Variants in TPTE2 observed in about 807,000 individuals in gnomAD.
TPTE2 encodes phosphatidylinositol 3,4,5-trisphosphate 3-phosphatase TPTE2.
Under a neutral mutation model 78.6 loss-of-function variants are expected in TPTE2, and 53 were observed. The observed-to-expected ratio is 0.67, with a 90% CI of 0.54 to 0.85. The LOEUF is 0.85. Ranked by LOEUF, TPTE2 falls within the 40% of genes least tolerant of loss-of-function variation. The probability of loss-of-function intolerance (pLI) is 0.00; values close to 1 mark genes in which losing one functional copy is unlikely to be tolerated. For synonymous variants in TPTE2, 175 were observed against 206.2 expected, an observed-to-expected ratio of 0.85 and a Z score of 1.30; for missense variants, 461 against 623.0, an observed-to-expected ratio of 0.74 and a Z score of 2.77.
At chr13:19,484,934 A>G (rs7336825) in intron 3 of TPTE2, among the ~76,000 whole-genome samples, 266 of 152,308 alleles carry the variant, frequency 1.7e-3, no homozygotes, top group African/African-American at 6.1e-3. Flanking sequence ...TAATCCACTC[A>G]GTAAGTCTAT....
intron 1 of TPTE2, among the ~76,000 whole-genome samples, chr13:19,518,579 T>C (rs1869949233): frequency 1.3e-5 from 2 of 152,218 alleles, no homozygotes; most frequent in South Asian, 4.1e-4. Flanking sequence ...CCTATTAGAA[T>C]ATCTAAAATT....
chr13:19,518,782 T>C (rs1201581945), intron 1 of TPTE2, among the ~76,000 whole-genome samples: 1 of 152,158 alleles, frequency 6.6e-6, no homozygotes, highest in African/African-American at 2.4e-5. Flanking sequence ...GAAAAAAAGA[T>C]AATCAAACTG....
exon 6 of TPTE2, chr13:19,473,975 T>C (rs773288015): frequency 3.1e-6 from 5 of 1,608,184 alleles, no homozygotes; most frequent in South Asian, 1.1e-5. Flanking sequence ...GCTAGAGAAA[T>C]AGAACGATAC....
At chr13:19,461,368 A>G (rs911621520) in intron 10 of TPTE2, among the ~76,000 whole-genome samples, 4 of 152,076 alleles carry the variant, frequency 2.6e-5, no homozygotes, top group African/African-American at 9.7e-5. Flanking sequence ...ACAATGTGTA[A>G]TGATCAAATC....
chr13:19,512,722 G>A (rs921582671), intron 1 of TPTE2, among the ~76,000 whole-genome samples: 1 of 152,082 alleles, frequency 6.6e-6, no homozygotes, highest in African/African-American at 2.4e-5. Flanking sequence ...GGGACTACAG[G>A]CATGCACCAC....
intron 1 of TPTE2, among the ~76,000 whole-genome samples, chr13:19,529,798 C>T (rs375153095): frequency 1.3e-5 from 2 of 152,188 alleles, no homozygotes; most frequent in South Asian, 4.2e-4. Flanking sequence ...AACATTACTT[C>T]TCTCCTCAGT....
chr13:19,503,995 C>T (rs1023104782), upstream of TPTE2, among the ~76,000 whole-genome samples: 16 of 152,042 alleles, frequency 1.1e-4, no homozygotes, highest in African/African-American at 3.4e-4. Flanking sequence ...CCGCCTCGGC[C>T]TCCCAAAGTG....
upstream of TPTE2, among the ~76,000 whole-genome samples, chr13:19,508,256 A>C (rs569611235): frequency 4.2e-4 from 64 of 152,338 alleles, 1 homozygote; most frequent in African/African-American, 1.4e-3. Flanking sequence ...CAGAGTAGCC[A>C]ACAACCACAC....
chr13:19,548,479 T>C, the TPTE2 span, among the ~76,000 whole-genome samples: 1 of 152,124 alleles, frequency 6.6e-6, no homozygotes, highest in Admixed American at 6.6e-5. Flanking sequence ...TCTTGGCTCA[T>C]ATTATAGCAT....
intron 18 of TPTE2, 30 bp downstream of exon 21, chr13:19,426,395 A>G: frequency 6.8e-7 from 1 of 1,469,812 alleles, no homozygotes; most frequent in Non-Finnish European, 9.5e-7. Context: ...AGACAAGAAC[A>G]ATGGCAGAGG....
intron 10 of TPTE2, among the ~76,000 whole-genome samples, chr13:19,461,485 G>C (rs1878884983): frequency 6.6e-6 from 1 of 152,038 alleles, no homozygotes; most frequent in Non-Finnish European, 1.5e-5. Flanking sequence ...GTTAACTATA[G>C]TCACCCTACA....
intron 10 of TPTE2, among the ~76,000 whole-genome samples, chr13:19,463,044 C>T (rs571315628): frequency 6.6e-6 from 1 of 151,544 alleles, no homozygotes; most frequent in African/African-American, 2.4e-5. Flanking sequence ...AGTGCAGTGG[C>T]ACAATCTTGG....
intron 4 of TPTE2, among the ~76,000 whole-genome samples, 185 bp downstream of exon 7, chr13:19,482,303 T>C (rs1880405915): frequency 6.6e-6 from 1 of 152,146 alleles, no homozygotes; most frequent in South Asian, 2.1e-4. Flanking sequence ...TGGATGGAAT[T>C]TTTTTTTCAA....
intron 1 of TPTE2, among the ~76,000 whole-genome samples, chr13:19,497,002 A>G (rs1271819610): frequency 6.6e-6 from 1 of 152,144 alleles, no homozygotes; most frequent in Non-Finnish European, 1.5e-5. Flanking sequence ...GCAAGGGGTC[A>G]GGGAGTTCCC....
intron 5 of TPTE2, among the ~76,000 whole-genome samples, chr13:19,474,461 T>A (rs1360389814): frequency 6.6e-6 from 1 of 152,186 alleles, no homozygotes; most frequent in Non-Finnish European, 1.5e-5. Context: ...CAATTTCTCA[T>A]AAAAAATAAA....
At position 19,489,637 on chromosome 13, in the gene TPTE2, T is replaced by C. The variant is rs1880872752; in HGVS notation, c.119+3213A>G. ...TTAAATATGCACATATGTAGACATA[T>C]GTATATAGATATGTGTATATCTATA... On this transcript the variant is annotated intron_variant, in intron 3 of 19. Coordinates refer to ENST00000400230, the Ensembl canonical transcript of TPTE2. 4.0e-5 allele frequency among the ~76,000 whole-genome samples: 6 copies of C among 150,354 alleles called. 1 individual carries two copies. The South Asian group carries it at 1.3e-3, about 31-fold the overall frequency.
At chr13:19,529,049 C>T (rs947286559) in intron 1 of TPTE2, among the ~76,000 whole-genome samples, 16 of 152,134 alleles carry the variant, frequency 1.1e-4, no homozygotes, top group African/African-American at 3.1e-4. Context: ...AACCCAGAGG[C>T]GGGGGTTGCA....
At chr13:19,537,094 G>T (rs1189715642), upstream of TPTE2, among the ~76,000 whole-genome samples, 1 of 151,830 alleles carries the variant, frequency 6.6e-6, no homozygotes, top group East Asian at 1.9e-4. Flanking sequence ...GGGTACAAAT[G>T]CTACCTCAAT....
intron 7 of TPTE2, 31 bp from the exon 11 acceptor site, chr13:19,465,595 C>G: frequency 6.5e-7 from 1 of 1,537,880 alleles, no homozygotes; most frequent in Non-Finnish European, 8.8e-7. Flanking sequence ...TCCATTTTTG[C>G]TTCAGAAACA....
Sources: gnomAD v4.1 joint callset for allele counts (sites outside exome capture counted in the v4.1 genomes callset) on GRCh38, gnomAD v4.1.1 for gene constraint, MANE v1.5 for transcripts, NCBI Gene and HGNC (gene_info 2026-07-23, HGNC 2026-07-21) for gene names.